ITGBL1: variants seen among roughly 807,000 people sequenced by gnomAD.
ITGBL1 encodes integrin subunit beta like 1, also known as integrin beta-like protein 1.
In ITGBL1, 51 loss-of-function variants were observed where a neutral mutation model predicts 68.5. The observed-to-expected ratio is 0.74, with a 90% CI of 0.59 to 0.94. The LOEUF (loss-of-function observed/expected upper bound fraction) is 0.94. Among genes scored for constraint, ITGBL1 ranks in the 40% least tolerant of loss-of-function variants. ITGBL1 has a pLI of 0.00. For missense variants in ITGBL1, 649 were observed against 647.4 expected (o/e 1.00, Z -0.03); for synonymous variants, 209 against 227.3 (o/e 0.92, Z 0.72).
intron 7 of ITGBL1, among the ~76,000 whole-genome samples, chr13:101,622,908 G>GGT (rs1356617988): frequency 3.2e-5 from 3 of 93,576 alleles, no homozygotes; most frequent in Non-Finnish European, 4.6e-5. Context: ...GTGTGTGTGG[G>GGT]GTATGTATGT....
intron 2 of ITGBL1, among the ~76,000 whole-genome samples, chr13:101,546,421 A>G (rs1010388711): frequency 1.1e-4 from 16 of 152,218 alleles, no homozygotes; most frequent in Non-Finnish European, 2.2e-4. Context: ...ACAAATGAAA[A>G]TGAACATTTT....
At chr13:101,631,643 T>C (rs2031982119) in intron 7 of ITGBL1, among the ~76,000 whole-genome samples, 1 of 152,188 alleles carries the variant, frequency 6.6e-6, no homozygotes, top group Non-Finnish European at 1.5e-5. Context: ...CATTTGCTAA[T>C]TGAAGAACTG....
At chr13:101,467,051 T>A (rs1179355949) in intron 2 of ITGBL1, among the ~76,000 whole-genome samples, 2 of 152,144 alleles carry the variant, frequency 1.3e-5, no homozygotes, top group Admixed American at 1.3e-4. Context: ...TATCCTCACA[T>A]GTTGGAAGGG....
chr13:101,511,360 T>C (rs914359068), intron 2 of ITGBL1, among the ~76,000 whole-genome samples: 2 of 152,164 alleles, frequency 1.3e-5, no homozygotes, highest in African/African-American at 2.4e-5. Context: ...CTATGAGTCA[T>C]GACCTTGTAT....
chr13:101,536,159 C>G lies in ITGBL1; in HGVS notation c.317-31540C>G, dbSNP rs1320328328. Among the ~76,000 whole-genome samples, 3 of 151,852 alleles carry G rather than the reference C, an allele frequency of 2.0e-5. No individual in the cohort carries two copies. The East Asian group carries it at 5.8e-4, about 29-fold the overall frequency. On this transcript the variant is annotated intron_variant, in intron 2 of 10. Coordinates refer to ENST00000376180, the MANE Select transcript of ITGBL1 (RefSeq NM_004791.3). ...CCATCTCACACCAGTTAGAATGGCCCTTTTCTTTTAAAAGGACTCTGCGTG... is the reference window on the plus strand; with the variant it reads ...CCATCTCACACCAGTTAGAATGGCCGTTTTCTTTTAAAAGGACTCTGCGTG...
chr13:101,601,886 C>T (rs1267783559), intron 7 of ITGBL1, among the ~76,000 whole-genome samples: 2 of 151,426 alleles, frequency 1.3e-5, no homozygotes, highest in South Asian at 4.2e-4. Flanking sequence ...TAGGTGTGGT[C>T]TGGAATGCAC....
At chr13:101,588,974 C>G (rs529772607) in intron 6 of ITGBL1, among the ~76,000 whole-genome samples, 1 of 152,300 alleles carries the variant, frequency 6.6e-6, no homozygotes, top group Admixed American at 6.5e-5. Context: ...CCTGATATTT[C>G]TAAGTGATTT....
chr13:101,643,335 G>A (rs548951417), intron 7 of ITGBL1, among the ~76,000 whole-genome samples: 60 of 148,928 alleles, frequency 4.0e-4, no homozygotes, highest in African/African-American at 1.5e-3. Flanking sequence ...AATTGTGAAT[G>A]GGAGTTCACT....
intron 2 of ITGBL1, among the ~76,000 whole-genome samples, chr13:101,481,061 C>G: frequency 1.5e-5 from 1 of 66,464 alleles, no homozygotes; most frequent in African/African-American, 6.2e-5. Context: ...TAACTATATA[C>G]ACACACATAC....
chr13:101,633,646 A>G (rs1451004831), intron 7 of ITGBL1, among the ~76,000 whole-genome samples: 1 of 152,188 alleles, frequency 6.6e-6, no homozygotes. Flanking sequence ...GGCACGTCAC[A>G]GATAGTGACT....
chr13:101,707,513 C>G (rs1291729286), intron 9 of ITGBL1, among the ~76,000 whole-genome samples: 2 of 152,080 alleles, frequency 1.3e-5, no homozygotes, highest in African/African-American at 2.4e-5. Context: ...CCAATTGTTC[C>G]AAGTAAACAT....
rs1010211672 is a variant in ITGBL1 at position 101,454,015 on chromosome 13, C to A, written c.231C>A (p.His77Gln). 6.3e-7 allele frequency: 1 copy of A among 1,580,614 alleles called. No individual in the cohort carries two copies. Among genetic ancestry groups the A allele is most frequent in the African/African-American group, 1.4e-5 (1 of 73,956 alleles). Residue 77 changes from histidine (H) to glutamine (Q), a missense_variant, in exon 2 of 11, where the codon CAC (histidine) becomes CAA (glutamine). By Grantham distance (24) the His-to-Gln change is conservative (BLOSUM62 0). Coordinates refer to ENST00000376180, the MANE Select transcript of ITGBL1 (RefSeq NM_004791.3). ...GRCDCGVCIC[H>Q]VTEPGMFFGP... Reference sequence around the variant, plus strand: ...GCGACTGCGGCGTCTGCATCTGCCACGTGACTGAGCCGGGCATGTTCTTCG... The same window carrying A: ...GCGACTGCGGCGTCTGCATCTGCCAAGTGACTGAGCCGGGCATGTTCTTCG...
intron 7 of ITGBL1, among the ~76,000 whole-genome samples, chr13:101,603,323 T>G (rs770345035): frequency 1.3e-4 from 20 of 152,034 alleles, no homozygotes; most frequent in Admixed American, 9.2e-4. Flanking sequence ...GCACAGATAT[T>G]TTCTCATATC....
intron 6 of ITGBL1, among the ~76,000 whole-genome samples, chr13:101,597,921 T>C (rs1002957410): frequency 6.6e-6 from 1 of 152,152 alleles, no homozygotes; most frequent in Admixed American, 6.6e-5. Context: ...GCTTGAAGTT[T>C]ATAGCCTTAC....
intron 2 of ITGBL1, among the ~76,000 whole-genome samples, chr13:101,482,420 TA>T (rs1238981398): frequency 6.6e-6 from 1 of 152,032 alleles, no homozygotes; most frequent in Non-Finnish European, 1.5e-5. Flanking sequence ...AGTTTCCATT[TA>T]AATTTGTCAA....
intron 2 of ITGBL1, among the ~76,000 whole-genome samples, chr13:101,539,304 T>G (rs1017627509): frequency 2.0e-5 from 3 of 151,578 alleles, no homozygotes; most frequent in African/African-American, 7.3e-5. Flanking sequence ...CATGTGGTGT[T>G]TGGTTTTTTA....
intron 7 of ITGBL1, among the ~76,000 whole-genome samples, chr13:101,599,948 A>C (rs1303186990): frequency 1.3e-4 from 20 of 152,116 alleles, no homozygotes; most frequent in Admixed American, 1.3e-3. Context: ...ATGAACTTTA[A>C]AGTAGTTTTT....
At chr13:101,567,200 A>G (rs1470873449) in intron 2 of ITGBL1, among the ~76,000 whole-genome samples, 1 of 152,174 alleles carries the variant, frequency 6.6e-6, no homozygotes, top group Non-Finnish European at 1.5e-5. Flanking sequence ...TGTCCATATT[A>G]CTGAAGTTGG....
chr13:101,604,883 T>TACACACACACAC (rs1444965646), intron 7 of ITGBL1, among the ~76,000 whole-genome samples: 8 of 12,966 alleles, frequency 6.2e-4, no homozygotes, highest in East Asian at 7.4e-3. Context: ...TATATATATA[T>TACACACACACAC]ATATACACAC....
Sources: allele counts gnomAD v4.1 joint callset (sites outside exome capture counted in the v4.1 genomes callset), GRCh38; gene constraint gnomAD v4.1.1; transcripts MANE v1.5; gene names NCBI Gene and HGNC (gene_info 2026-07-23, HGNC 2026-07-21).